TMEM217: variants seen among roughly 807,000 people sequenced by gnomAD.
TMEM217 encodes transmembrane protein 217.
For synonymous variants in TMEM217, 76 were observed against 88.3 expected (o/e 0.86, Z 0.78); for missense variants, 204 against 248.8 (o/e 0.82, Z 1.21).
chr6:37,215,994 GGTGTGT>G (rs60725183), downstream of TMEM217, among the ~76,000 whole-genome samples: 19 of 149,182 alleles, frequency 1.3e-4, no homozygotes, highest in East Asian at 5.9e-4. Context: ...GGTTCTTCAG[GGTGTGT>G]GTGTGTGTGT....
At chr6:37,249,046 T>C (rs1452092936) in intron 1 of TMEM217, among the ~76,000 whole-genome samples, 5 of 152,184 alleles carry the variant, frequency 3.3e-5, no homozygotes, top group Non-Finnish European at 5.9e-5. Flanking sequence ...TGTCTGTATC[T>C]TCTCTCATAA....
intron 1 of TMEM217, among the ~76,000 whole-genome samples, chr6:37,245,508 G>T (rs1389198099): frequency 6.6e-6 from 1 of 152,242 alleles, no homozygotes; most frequent in African/African-American, 2.4e-5. Context: ...CATGTGCCAT[G>T]ACTTAGTTCA....
At chr6:37,240,295 C>T (rs1284357175) in intron 1 of TMEM217, among the ~76,000 whole-genome samples, 3 of 152,178 alleles carry the variant, frequency 2.0e-5, no homozygotes, top group Admixed American at 1.3e-4. Flanking sequence ...AGCTGTTGGC[C>T]TGGGCTGGGG....
At chr6:37,255,974 T>A (rs6906388) in intron 1 of TMEM217, among the ~76,000 whole-genome samples, 4,876 of 152,296 alleles carry the variant, frequency 0.032, 248 homozygotes, top group African/African-American at 0.11. Context: ...CACTGTTAAC[T>A]ACACCCCCTG....
chr6:37,252,019 G>A (rs994731647), intron 1 of TMEM217, among the ~76,000 whole-genome samples: 6 of 151,992 alleles, frequency 3.9e-5, no homozygotes, highest in Non-Finnish European at 7.4e-5. Context: ...TCAGCCTCCC[G>A]AGTAGCTGGG....
In TMEM217 at chr6:37,218,185, T is replaced by G. The variant is rs112209255; in HGVS notation, c.*237A>C. The G allele has an allele frequency of 7.1e-3, 7,983 of 1,120,416 alleles. 7 individuals are homozygous for G. The highest frequency in any genetic ancestry group is 0.011 in the Middle Eastern group (31 of 2,770). 69.4% of individuals were successfully genotyped at this position (1,120,416 alleles called of 1,614,324 possible). Reference sequence around the variant, plus strand: ...AGCTGCTAACTTTTTTTTTTTTTTTTGGGGGACAGAGTCTTACTCTGTCAC... The same window carrying G: ...AGCTGCTAACTTTTTTTTTTTTTTTGGGGGGACAGAGTCTTACTCTGTCAC... On this transcript the variant is annotated 3_prime_UTR_variant, in exon 2 of 2. Coordinates refer to ENST00000357219, the Ensembl canonical transcript of TMEM217.
In TMEM217 at chr6:37,242,766, A is replaced by G. The variant is rs538165934; in HGVS notation, c.-12+14802T>C. ...TCTCAAGGTATTCAGATCCTTAAAAAGGTGTCAGGGCTCTAGGTTGGCATC... is the reference window on the plus strand; with the variant it reads ...TCTCAAGGTATTCAGATCCTTAAAAGGGTGTCAGGGCTCTAGGTTGGCATC... On this transcript the variant is annotated intron_variant, in intron 1 of 1. Coordinates refer to ENST00000357219, the Ensembl canonical transcript of TMEM217. Among the ~76,000 whole-genome samples the G allele has an allele frequency of 2.0e-5, 3 of 152,276 alleles. No individual in the cohort carries two copies. In the East Asian group the frequency reaches 5.8e-4, roughly 29 times the overall value.
chr6:37,257,443 G>C (rs1765819108), intron 1 of TMEM217, 125 bp downstream of exon 1: 1 of 154,006 alleles, frequency 6.5e-6, no homozygotes, highest in Admixed American at 6.5e-5. Flanking sequence ...CTTACTTTTA[G>C]GTGAAAGATT....
chr6:37,249,504 G>A (rs1318579115), intron 1 of TMEM217, among the ~76,000 whole-genome samples: 1 of 151,930 alleles, frequency 6.6e-6, no homozygotes, highest in East Asian at 1.9e-4. Flanking sequence ...GTATTTTAGT[G>A]GAGACGGGGT....
At chr6:37,219,253 G>C (rs1279527878) in intron 1 of TMEM217, among the ~76,000 whole-genome samples, 1 of 152,156 alleles carries the variant, frequency 6.6e-6, no homozygotes, top group Non-Finnish European at 1.5e-5. Flanking sequence ...GCAATGACCA[G>C]ATAAAATTAC....
intron 1 of TMEM217, among the ~76,000 whole-genome samples, chr6:37,236,104 G>A (rs1470536417): frequency 2.0e-5 from 3 of 152,008 alleles, no homozygotes; most frequent in Admixed American, 6.5e-5. Context: ...TAACATCATC[G>A]TGTTTGAACT....
At chr6:37,213,350 A>G (rs764601065), downstream of TMEM217, among the ~76,000 whole-genome samples, 15 of 152,224 alleles carry the variant, frequency 9.9e-5, no homozygotes, top group Non-Finnish European at 2.1e-4. Flanking sequence ...GTATGAACGA[A>G]GCTCCCATCT....
rs1260728189 is a variant in TMEM217, at chr6:37,226,065, C to T, written c.-11-7024G>A. Among the ~76,000 whole-genome samples, 3 of 152,192 alleles carry T rather than the reference C, an allele frequency of 2.0e-5. No individual in the cohort carries two copies. The South Asian group carries it at 6.2e-4, about 32-fold the overall frequency. On this transcript the variant is annotated intron_variant, in intron 1 of 1. Coordinates refer to ENST00000357219, the Ensembl canonical transcript of TMEM217. ...TATACTACCTAAACTTCTTTATTGA[C>T]GAAGTGTAATGAGAACTAGTGATCT...
chr6:37,215,300 CAA>C, downstream of TMEM217: 1 of 1,607,862 alleles, frequency 6.2e-7, no homozygotes, highest in Non-Finnish European at 8.5e-7. Context: ...AATAAAAAAA[CAA>C]ATGAATAAAA....
intron 1 of TMEM217, among the ~76,000 whole-genome samples, chr6:37,232,836 C>A (rs1422302430): frequency 6.6e-6 from 1 of 152,224 alleles, no homozygotes; most frequent in Non-Finnish European, 1.5e-5. Flanking sequence ...TGACACCAAA[C>A]TCACCTTGTT....
In TMEM217 at chr6:37,257,935, C is replaced by G. The variant is rs1370480963; in HGVS notation, c.-379G>C. The stretch of plus-strand genomic sequence containing the variant: ...CCAGAGCAATGGCCGCTGAGAACAG[C>G]AAGCAGTTTTGGAAGAGGAGCGCTA... On this transcript the variant is annotated 5_prime_UTR_variant, in exon 1 of 2. Transcript: ENST00000357219. 7 of 1,613,972 alleles carry G rather than the reference C, an allele frequency of 4.3e-6. No individual in the cohort carries two copies. The African/African-American group carries it at 9.3e-5, about 22-fold the overall frequency.
chr6:37,245,086 C>A (rs139822672), intron 1 of TMEM217, among the ~76,000 whole-genome samples: 1 of 152,294 alleles, frequency 6.6e-6, no homozygotes, highest in Non-Finnish European at 1.5e-5. Context: ...ACTAACATCC[C>A]ATTGACCAAA....
chr6:37,233,207 T>G (rs1764302390), intron 1 of TMEM217, among the ~76,000 whole-genome samples: 2 of 151,590 alleles, frequency 1.3e-5, no homozygotes. Flanking sequence ...ATTAACACTC[T>G]TCTACCCATT....
At chr6:37,225,201 A>G (rs1315902536) in intron 1 of TMEM217, among the ~76,000 whole-genome samples, 1 of 152,114 alleles carries the variant, frequency 6.6e-6, no homozygotes, top group African/African-American at 2.4e-5. Context: ...CTCTGACTAA[A>G]AAAAAGAAAA....
Sources: allele counts gnomAD v4.1 joint callset (sites outside exome capture counted in the v4.1 genomes callset), GRCh38; gene constraint gnomAD v4.1.1; transcripts MANE v1.5; gene names NCBI Gene and HGNC (gene_info 2026-07-23, HGNC 2026-07-21).